Variants in IL36RN observed in about 807,000 individuals in gnomAD.
The protein encoded by IL36RN is interleukin-36 receptor antagonist protein.
A neutral mutation model predicts 13.0 loss-of-function variants in IL36RN; 11 were observed. That is an observed-to-expected ratio of 0.85 (90% CI 0.53 to 1.40). The LOEUF (loss-of-function observed/expected upper bound fraction) is 1.40. Ranked by LOEUF, IL36RN falls within the 40% of genes most tolerant of loss-of-function variation. The probability of loss-of-function intolerance (pLI) is 0.00; values close to 1 mark genes in which losing one functional copy is unlikely to be tolerated. For synonymous variants in IL36RN, 94 were observed against 84.1 expected, an observed-to-expected ratio of 1.12 and a Z score of -0.64; for missense variants, 195 against 195.3, an observed-to-expected ratio of 1.00 and a Z score of 0.01.
rs1461125140 is a variant in IL36RN at position 113,062,853 on chromosome 2, C to A, written c.*176C>A. ...TTTGGATAAATTCTGAGATTTGGAGCTCAGTCCACGGTCCTCCCCCACTGG... is the reference window on the plus strand; with the variant it reads ...TTTGGATAAATTCTGAGATTTGGAGATCAGTCCACGGTCCTCCCCCACTGG... On this transcript the variant is annotated 3_prime_UTR_variant, in exon 5 of 5. Transcript: ENST00000393200. 2.9e-6 allele frequency: 2 copies of A among 679,518 alleles called. No individual in the cohort carries two copies. The highest frequency in any genetic ancestry group is 5.3e-6 in the Non-Finnish European group (2 of 380,212). The allele number at this position is 679,518 out of a possible 1,614,324, so 42.1% of individuals were successfully genotyped here. A position where few individuals can be genotyped will look rare whatever the true frequency, so the allele number is the denominator to read the frequency against.
Position 113,059,284 on chromosome 2 carries a change from C to A in IL36RN, c.-28+43C>A. 3 of 785,388 alleles carry A rather than the reference C, an allele frequency of 3.8e-6. No individual in the cohort carries two copies. In the East Asian group the frequency reaches 7.9e-5, roughly 21 times the overall value. 48.7% of individuals were successfully genotyped at this position (785,388 alleles called of 1,614,324 possible). A position where few individuals can be genotyped will look rare whatever the true frequency, so the allele number is the denominator to read the frequency against. On this transcript the variant is annotated intron_variant, in intron 1 of 4. Coordinates refer to ENST00000393200, the MANE Select transcript of IL36RN (RefSeq NM_012275.3). ...GGTGGTACCGGAGCTCTCTCCTGAC[C>A]CCAGACCCAGAATCTGCTCCGTGGA... is the stretch of plus-strand genomic sequence containing the variant.
chr2:113,058,902 G>GT (rs1166666573), upstream of IL36RN, among the ~76,000 whole-genome samples: 17 of 152,168 alleles, frequency 1.1e-4, no homozygotes, highest in Non-Finnish European at 2.5e-4. Flanking sequence ...AGGAAAGAAA[G>GT]TCGCGCTTCC....
rs201857918 is a variant in IL36RN at position 113,062,427 on chromosome 2, C to A, written c.244-26C>A. On this transcript the variant is annotated intron_variant, in intron 4 of 4. Coordinates refer to ENST00000393200, the MANE Select transcript of IL36RN (RefSeq NM_012275.3). ...CCCTCTGCCCCTGCTTCTGCCCTCA[C>A]CTGACCTCCCCTCCTCTGCCGGCAG... 1.8e-5 allele frequency: 29 copies of A among 1,613,242 alleles called. No homozygotes were observed. In the South Asian group the frequency reaches 3.1e-4, roughly 17 times the overall value.
In IL36RN at chr2:113,062,949, G is replaced by C; in HGVS notation, c.*272G>C. On this transcript the variant is annotated 3_prime_UTR_variant, in exon 5 of 5. Transcript: ENST00000393200. Reference sequence around the variant, plus strand: ...CTGGGAATAACATGAAAAGATTTCTGTGGAGGTGGGGTGGGGGAGTGGTGG... The same window carrying C: ...CTGGGAATAACATGAAAAGATTTCTCTGGAGGTGGGGTGGGGGAGTGGTGG... 2.1e-6 allele frequency: 1 copy of C among 479,666 alleles called. No individual in the cohort carries two copies. Among genetic ancestry groups the C allele is most frequent in the Non-Finnish European group, 3.8e-6 (1 of 261,498 alleles). 29.7% of individuals were successfully genotyped at this position (479,666 alleles called of 1,614,324 possible).
rs1488802530 is a variant in IL36RN, at chr2:113,062,530, C to T, written c.321C>T (p.Leu107=). 4 of 1,614,124 alleles carry T rather than the reference C, an allele frequency of 2.5e-6. No individual in the cohort carries two copies. In the South Asian group the frequency reaches 4.4e-5, roughly 18 times the overall value. ...CCTTCTACCGGCGGGACATGGGGCT[C>T]ACCTCCAGCTTCGAGTCGGCTGCCT... The part of the protein sequence containing the change: ...SFTFYRRDMG[L]TSSFESAAYP... Residue 107 remains leucine (L), a synonymous_variant, in exon 5 of 5, where the codon CTC becomes CTT. Transcript: ENST00000393200.
Position 113,059,205 on chromosome 2 carries a change from C to T in IL36RN, c.-64C>T. ...AGGCATCCTTGGAGGAACAGGCAGA[C>T]TCCACAGCTCCCGCCAGGAGAAAGG... On this transcript the variant is annotated 5_prime_UTR_variant, in exon 1 of 5. Coordinates refer to ENST00000393200, the MANE Select transcript of IL36RN (RefSeq NM_012275.3). The T allele has an allele frequency of 1.7e-6, 1 of 598,130 alleles. No individual in the cohort carries two copies. The highest frequency in any genetic ancestry group is 3.0e-6 in the Non-Finnish European group (1 of 331,222). 37.1% of individuals were successfully genotyped at this position (598,130 alleles called of 1,614,324 possible).
chr2:113,062,115 T>TTCCCACAGGTGAAGAGATCAGCGTGG lies in IL36RN; in HGVS notation c.116-4_137dup. 6.2e-7 allele frequency: 1 copy of TTCCCACAGGTGAAGAGATCAGCGTGG among 1,613,826 alleles called. No homozygotes were observed. Among genetic ancestry groups the TTCCCACAGGTGAAGAGATCAGCGTGG allele is most frequent in the Non-Finnish European group, 8.5e-7 (1 of 1,179,840 alleles). ...ATCCAGGGCCCTGCATCTGGCCTCT[T>TTCCCACAGGTGAAGAGATCAGCGTGG]TCCCACAGGTGAAGAGATCAGCGTG... On this transcript the variant is annotated splice_polypyrimidine_tract_variant and intron_variant, in intron 3 of 4. Coordinates refer to ENST00000393200, the MANE Select transcript of IL36RN (RefSeq NM_012275.3).
rs764097178 is a variant in IL36RN at position 113,060,946 on chromosome 2, T to C, written c.115+9T>C. The stretch of plus-strand genomic sequence containing the variant: ...AGGGAAGGTCATTAAAGGTTGGTGA[T>C]GAAACATGACCCACTTTCCTTGGTC... On this transcript the variant is annotated intron_variant, in intron 3 of 4. Transcript: ENST00000393200. 6.2e-7 allele frequency: 1 copy of C among 1,609,012 alleles called. No individual in the cohort carries two copies. Among genetic ancestry groups the C allele is most frequent in the East Asian group, 2.2e-5 (1 of 44,848 alleles).
chr2:113,059,529 C>G, intron 2 of IL36RN, 62 bp downstream of exon 2: 1 of 1,580,056 alleles, frequency 6.3e-7, no homozygotes. Context: ...TGGATAGACC[C>G]GTTGTCCAGC....
At chr2:113,059,822 C>G (rs949115760) in intron 2 of IL36RN, among the ~76,000 whole-genome samples, 1 of 152,092 alleles carries the variant, frequency 6.6e-6, no homozygotes, top group Admixed American at 6.6e-5. Context: ...ACTCTGTGCC[C>G]CTGCCTCCCT....
intron 2 of IL36RN, among the ~76,000 whole-genome samples, chr2:113,060,014 G>C (rs1194999668): frequency 6.6e-6 from 1 of 152,184 alleles, no homozygotes; most frequent in East Asian, 1.9e-4. Context: ...GACTCGATTA[G>C]AGGAGTCCCA....
upstream of IL36RN, chr2:113,059,121 G>C: frequency 2.3e-6 from 1 of 440,600 alleles, no homozygotes; most frequent in East Asian, 4.2e-5. Context: ...TGGGAATCCT[G>C]CTCCTCCTCA....
chr2:113,059,334 G>A (rs1230534375), intron 1 of IL36RN, 78 bp from the exon 2 acceptor site: 29 of 1,271,180 alleles, frequency 2.3e-5, no homozygotes, highest in Admixed American at 1.4e-4. Context: ...TGGGGAGCTC[G>A]GTGCAGCTGC....
At chr2:113,060,960 C>G (rs761962710) in intron 3 of IL36RN, 23 bp downstream of exon 3, 1 of 1,575,642 alleles carries the variant, frequency 6.3e-7, no homozygotes, top group Non-Finnish European at 8.7e-7. Flanking sequence ...ACATGACCCA[C>G]TTTCCTTGGT....
intron 3 of IL36RN, 106 bp from the exon 4 acceptor site, chr2:113,062,018 G>C: frequency 6.7e-7 from 1 of 1,498,890 alleles, no homozygotes; most frequent in Non-Finnish European, 9.1e-7. Flanking sequence ...CTTCTGCCCA[G>C]CCTGGGGGCA....
Position 113,059,225 on chromosome 2 carries a change from G to C in IL36RN, c.-44G>C. The C allele has an allele frequency of 1.6e-6, 1 of 630,042 alleles. No individual in the cohort carries two copies. Among genetic ancestry groups the C allele is most frequent in the Admixed American group, 2.4e-5 (1 of 42,224 alleles). 39.0% of individuals were successfully genotyped at this position (630,042 alleles called of 1,614,324 possible). The stretch of plus-strand genomic sequence containing the variant: ...GCAGACTCCACAGCTCCCGCCAGGA[G>C]AAAGGAACATTCTGAGGTATGCTCT... On this transcript the variant is annotated 5_prime_UTR_variant, in exon 1 of 5. Coordinates refer to ENST00000393200, the MANE Select transcript of IL36RN (RefSeq NM_012275.3).
Position 113,059,922 on chromosome 2 carries a change from C to T in IL36RN, c.29+455C>T, listed in dbSNP as rs76122856. ...GCATGTACCAAGCCAGACACTCTGC[C>T]GTGTTCTGGGCTTTACAACAGAGGA... On this transcript the variant is annotated intron_variant, in intron 2 of 4. Coordinates refer to ENST00000393200, the MANE Select transcript of IL36RN (RefSeq NM_012275.3). Among the ~76,000 whole-genome samples, 2,049 of 152,280 alleles carry T rather than the reference C, an allele frequency of 0.013. 155 individuals carry two copies. The East Asian group carries it at 0.22, about 16-fold the overall frequency.
chr2:113,061,445 T>C (rs572669158), intron 3 of IL36RN, among the ~76,000 whole-genome samples: 1 of 152,126 alleles, frequency 6.6e-6, no homozygotes. Context: ...CTCTCTAAAA[T>C]AGTTTGCACC....
In IL36RN at chr2:113,064,579, TAA is replaced by T. The variant is rs1685706911; in HGVS notation, c.*1904_*1905del. On this transcript the variant is annotated 3_prime_UTR_variant, in exon 5 of 5. Coordinates refer to ENST00000393200, the MANE Select transcript of IL36RN (RefSeq NM_012275.3). ...AGCTGCCATGCTATGAGCAGGCCTATAAAGAGACTTACGTGGTAAAAAATGAA... is the reference window on the plus strand; with the variant it reads ...AGCTGCCATGCTATGAGCAGGCCTATAGAGACTTACGTGGTAAAAAATGAA... 6.6e-6 allele frequency: 1 copy of T among 152,164 alleles called. No homozygotes were observed. The highest frequency in any genetic ancestry group is 1.5e-5 in the Non-Finnish European group (1 of 68,038). The allele number at this position is 152,164 out of a possible 1,614,324, so 9.4% of individuals were successfully genotyped here.
Sources: gnomAD v4.1 joint callset for allele counts (sites outside exome capture counted in the v4.1 genomes callset) on GRCh38, gnomAD v4.1.1 for gene constraint, MANE v1.5 for transcripts, NCBI Gene and HGNC (gene_info 2026-07-23, HGNC 2026-07-21) for gene names.